MYO5C: variants seen among roughly 807,000 people sequenced by gnomAD.
MYO5C encodes the protein unconventional myosin-Vc.
A neutral mutation model predicts 235.7 loss-of-function variants in MYO5C; 194 were observed. That is an observed-to-expected ratio of 0.82 (90% CI 0.73 to 0.93). The LOEUF (loss-of-function observed/expected upper bound fraction) is 0.93. MYO5C is among the 40% of genes least tolerant of loss of function. MYO5C has a pLI of 0.00. For synonymous variants in MYO5C, 707 were observed against 754.8 expected (o/e 0.94, Z 1.04); for missense variants, 2,038 against 2,127.2 (o/e 0.96, Z 0.82).
chr15:52,229,004 T>G, intron 25 of MYO5C, 129 bp downstream of exon 25: 1 of 1,013,480 alleles, frequency 9.9e-7, no homozygotes, highest in Non-Finnish European at 1.4e-6. Flanking sequence ...TTGGAAGGAC[T>G]GAAGGAATCA....
intron 23 of MYO5C, among the ~76,000 whole-genome samples, chr15:52,233,589 T>C (rs1482341428): frequency 1.3e-5 from 2 of 152,212 alleles, no homozygotes; most frequent in Non-Finnish European, 2.9e-5. Flanking sequence ...TCATCTGTGA[T>C]AACCAAGAAA....
chr15:52,277,797 C>G (rs1024476108), intron 4 of MYO5C: 3 of 453,902 alleles, frequency 6.6e-6, no homozygotes, highest in Non-Finnish European at 1.3e-5. Context: ...GGTCTAGCCC[C>G]AGACTGCCCA....
chr15:52,282,948 T>C lies in MYO5C; in HGVS notation c.28-56A>G, dbSNP rs535474614. The C allele has an allele frequency of 4.7e-5, 52 of 1,109,672 alleles. No individual in the cohort carries two copies. In the African/African-American group the frequency reaches 7.6e-4, roughly 16 times the overall value. The allele number at this position is 1,109,672 out of a possible 1,614,324, so 68.7% of individuals were successfully genotyped here. A position where few individuals can be genotyped will look rare whatever the true frequency, so the allele number is the denominator to read the frequency against. ...CAGGACTTCCAAAATTATGGATCAA[T>C]GCATGGTTAGACACAGGAAGGTTTC... On this transcript the variant is annotated intron_variant, in intron 1 of 40. Transcript: ENST00000261839.
chr15:52,198,555 TTTGTTG>T (rs557450240), intron 38 of MYO5C, among the ~76,000 whole-genome samples: 27 of 152,070 alleles, frequency 1.8e-4, no homozygotes, highest in Non-Finnish European at 3.1e-4. Context: ...TTGCTTAGTT[TTTGTTG>T]TTGTTGTTGT....
At position 52,268,486 on chromosome 15, in the gene MYO5C, C is replaced by T. The variant is rs1253829801; in HGVS notation, c.940+1267G>A. The stretch of plus-strand genomic sequence containing the variant: ...GCTGAGGCAGGGGAACCGCTTGAAT[C>T]GGGGAGGCAGAGGTTGCGCCACTGC... On this transcript the variant is annotated intron_variant, in intron 8 of 40. Coordinates refer to ENST00000261839, the MANE Select transcript of MYO5C (RefSeq NM_018728.4). Among the ~76,000 whole-genome samples the T allele has an allele frequency of 3.3e-5, 5 of 151,800 alleles. 1 individual carries two copies. The South Asian group carries it at 8.3e-4, about 25-fold the overall frequency.
chr15:52,291,729 A>ATGTTTTTTTTTGTTTT (rs2037391330), intron 1 of MYO5C, among the ~76,000 whole-genome samples: 1 of 46,722 alleles, frequency 2.1e-5, no homozygotes, highest in Non-Finnish European at 4.5e-5. Flanking sequence ...TGCATATTTT[A>ATGTTTTTTTTTGTTTT]TGTTTTTTTT....
In MYO5C at chr15:52,253,467, CA is replaced by C; in HGVS notation, c.1396-11del. ...CCAGTTTGAAGACATGCTGGGAATC[CA>C]AAGTTAATACAGAAAGTAAAACAGA... is the stretch of plus-strand genomic sequence containing the variant. On this transcript the variant is annotated splice_polypyrimidine_tract_variant and intron_variant, in intron 11 of 40. Coordinates refer to ENST00000261839, the MANE Select transcript of MYO5C (RefSeq NM_018728.4). The C allele has an allele frequency of 6.2e-7, 1 of 1,609,862 alleles. No homozygotes were observed. Among genetic ancestry groups the C allele is most frequent in the Non-Finnish European group, 8.5e-7 (1 of 1,178,132 alleles).
In MYO5C at chr15:52,246,975, C is replaced by T. The variant is rs372936659; in HGVS notation, c.1921G>A (p.Ala641Thr). The T allele has an allele frequency of 5.6e-6, 9 of 1,614,112 alleles. No homozygotes were observed. Among genetic ancestry groups the T allele is most frequent in the Non-Finnish European group, 7.6e-6 (9 of 1,180,002 alleles). The change falls in exon 16 of 41, where the codon GCG becomes ACG. Residue 641 changes from alanine (A) to threonine (T), a missense_variant. By Grantham distance (58) the Ala-to-Thr change is moderately conservative. Transcript: ENST00000261839. Reference protein sequence around the residue: ...SLYLLMETLNATTPHYVRCIK... With the variant: ...SLYLLMETLNTTTPHYVRCIK... ...CATCGAACGTAGTGGGGCGTCGTCGCATTGAGGGTCTCCATGAGCAAGTAC... is the reference window on the plus strand; with the variant it reads ...CATCGAACGTAGTGGGGCGTCGTCGTATTGAGGGTCTCCATGAGCAAGTAC...
chr15:52,272,579 C>T lies in MYO5C; in HGVS notation c.750+1G>A. 7 of 1,610,382 alleles carry T rather than the reference C, an allele frequency of 4.3e-6. No individual in the cohort carries two copies. Among genetic ancestry groups the T allele is most frequent in the African/African-American group, 2.7e-5 (2 of 74,776 alleles). On this transcript the variant is annotated splice_donor_variant, in intron 6 of 40. Transcript: ENST00000261839. LOFTEE classifies it high-confidence loss of function. ...TGGGGAAAAGGAAATTTAATACTTACTTGAAAGACAACTCTGGATTTCTCC... is the reference window on the plus strand; with the variant it reads ...TGGGGAAAAGGAAATTTAATACTTATTTGAAAGACAACTCTGGATTTCTCC...
chr15:52,212,724 C>G (rs1184487932), intron 34 of MYO5C, among the ~76,000 whole-genome samples: 1 of 152,192 alleles, frequency 6.6e-6, no homozygotes, highest in Admixed American at 6.5e-5. Flanking sequence ...GGCTGGGAAG[C>G]CCCATCACAT....
intron 36 of MYO5C, among the ~76,000 whole-genome samples, chr15:52,206,990 G>A (rs180898629): frequency 1.1e-3 from 173 of 152,034 alleles, no homozygotes; most frequent in Non-Finnish European, 1.8e-3. Flanking sequence ...AAAATTAACC[G>A]GGCATGGTGG....
At chr15:52,249,622 G>A (rs1292416795) in intron 13 of MYO5C, among the ~76,000 whole-genome samples, 1 of 152,168 alleles carries the variant, frequency 6.6e-6, no homozygotes, top group East Asian at 1.9e-4. Context: ...AACACCGGCT[G>A]TTTGCAAACA....
chr15:52,272,168 C>T (rs4608282), intron 6 of MYO5C, among the ~76,000 whole-genome samples: 120,151 of 152,190 alleles, frequency 0.79, 49,804 homozygotes, highest in Non-Finnish European at 0.93. Flanking sequence ...TGGGCCAAAA[C>T]GATGAGAAAT....
In MYO5C at chr15:52,295,704, G is replaced by T. The variant is rs879303695; in HGVS notation, c.-68C>A. 8.6e-6 allele frequency: 10 copies of T among 1,160,478 alleles called. No homozygotes were observed. The highest frequency in any genetic ancestry group is 3.3e-5 in the African/African-American group (2 of 61,498). The allele number at this position is 1,160,478 out of a possible 1,614,324, so 71.9% of individuals were successfully genotyped here. On this transcript the variant is annotated 5_prime_UTR_variant, in exon 1 of 41. Transcript: ENST00000261839. ...GAGGCTCGGGGGCTGGGCCTGCGCC[G>T]CAGAGGCCGGGCGCAGGAGAGACCG...
chr15:52,278,779 G>T, intron 4 of MYO5C, 94 bp downstream of exon 4: 1 of 1,479,984 alleles, frequency 6.8e-7, no homozygotes, highest in Non-Finnish European at 9.2e-7. Context: ...CTTTTAATGA[G>T]CCCAACCTAG....
intron 32 of MYO5C, 39 bp from the exon 33 acceptor site, chr15:52,214,729 C>T: frequency 2.2e-6 from 3 of 1,373,256 alleles, no homozygotes; most frequent in Non-Finnish European, 3.0e-6. Context: ...AGCTTAGAAG[C>T]ACTTTAATCT....
intron 9 of MYO5C, among the ~76,000 whole-genome samples, chr15:52,262,924 T>G (rs771870960): frequency 2.0e-5 from 3 of 152,140 alleles, no homozygotes; most frequent in Non-Finnish European, 4.4e-5. Flanking sequence ...TGGGAGGTAA[T>G]CAGGGTTGGC....
rs1169434189 is a variant in MYO5C at position 52,232,799 on chromosome 15, AC to A, written c.2963-115del. 33 of 886,742 alleles carry A rather than the reference AC, an allele frequency of 3.7e-5. No individual in the cohort carries two copies. The East Asian group carries it at 8.1e-4, about 22-fold the overall frequency. 54.9% of individuals were successfully genotyped at this position (886,742 alleles called of 1,614,324 possible). On this transcript the variant is annotated intron_variant, in intron 23 of 40. Coordinates refer to ENST00000261839, the MANE Select transcript of MYO5C (RefSeq NM_018728.4). ...GACAATCATGTGATGTTTATTATTA[AC>A]AGGACTTACAATGAGAGTATAGCTC...
chr15:52,247,313 T>C lies in MYO5C; in HGVS notation c.1881+145A>G, dbSNP rs915560113. 5.1e-6 allele frequency: 5 copies of C among 989,926 alleles called. No individual in the cohort carries two copies. The African/African-American group carries it at 6.5e-5, about 13-fold the overall frequency. The allele number at this position is 989,926 out of a possible 1,614,324, so 61.3% of individuals were successfully genotyped here. The stretch of plus-strand genomic sequence containing the variant: ...AGGTGGAAGTATGACGACGATGAAC[T>C]TTTTGCAGTGGAGTCCATGTTAGAT... On this transcript the variant is annotated intron_variant, in intron 15 of 40. Transcript: ENST00000261839.
Sources: gnomAD v4.1 joint callset for allele counts (sites outside exome capture counted in the v4.1 genomes callset) on GRCh38, gnomAD v4.1.1 for gene constraint, MANE v1.5 for transcripts, NCBI Gene and HGNC (gene_info 2026-07-23, HGNC 2026-07-21) for gene names.